The following PTGFR variants were observed in gnomAD, a reference collection of about 807,000 sequenced individuals.
PTGFR encodes prostaglandin F receptor, also known as prostaglandin F2-alpha receptor.
PTGFR carries 15 observed loss-of-function variants against 26.2 expected under a neutral mutation model. The ratio of observed to expected loss-of-function variants is 0.57; its 90% CI spans 0.38 to 0.88. PTGFR has a LOEUF of 0.88. Ranked by LOEUF, PTGFR falls within the 40% of genes least tolerant of loss-of-function variation. The probability of loss-of-function intolerance (pLI) is 0.00; values close to 1 mark genes in which losing one functional copy is unlikely to be tolerated. For synonymous variants in PTGFR, 165 were observed against 151.1 expected (o/e 1.09, Z -0.68); for missense variants, 369 against 427.2 (o/e 0.86, Z 1.20).
chr1:78,531,081 A>G (rs962625244), intron 2 of PTGFR, among the ~76,000 whole-genome samples: 2 of 152,086 alleles, frequency 1.3e-5, no homozygotes, highest in African/African-American at 4.8e-5. Flanking sequence ...ACCCCAGTGG[A>G]CCTGGTCTTC....
At chr1:78,534,040 T>A (rs1428188740) in intron 2 of PTGFR, among the ~76,000 whole-genome samples, 1 of 152,168 alleles carries the variant, frequency 6.6e-6, no homozygotes, top group African/African-American at 2.4e-5. Flanking sequence ...CATAGAATAT[T>A]CAAATACTTT....
intron 1 of PTGFR, 66 bp from the exon 2 acceptor site, chr1:78,492,606 C>G: frequency 1.2e-6 from 1 of 836,276 alleles, no homozygotes; most frequent in Non-Finnish European, 1.8e-6. Context: ...TGCTGGGGCA[C>G]GTCAGTCATA....
chr1:78,532,595 C>T (rs1447115970), intron 2 of PTGFR, among the ~76,000 whole-genome samples: 1 of 150,556 alleles, frequency 6.6e-6, no homozygotes, highest in Non-Finnish European at 1.5e-5. Context: ...GACAGAGTCT[C>T]AACTCTGTTA....
At chr1:78,532,364 T>TTATATATATATATATATATATATATATA (rs200848855) in intron 2 of PTGFR, 1 of 85,214 alleles carries the variant, frequency 1.2e-5, no homozygotes, top group African/African-American at 4.6e-5. Flanking sequence ...GTAAATTCAT[T>TTATATATATATATATATATATATATATA]TATATATATA....
At chr1:78,518,069 T>C (rs1355034008) in intron 2 of PTGFR, among the ~76,000 whole-genome samples, 2 of 152,104 alleles carry the variant, frequency 1.3e-5, no homozygotes, top group Non-Finnish European at 2.9e-5. Flanking sequence ...ATGGCACATG[T>C]ACACCTATGT....
Position 78,536,050 on chromosome 1 carries a change from A to G in PTGFR, c.799-356A>G, listed in dbSNP as rs531096855. Among the ~76,000 whole-genome samples the G allele has an allele frequency of 4.8e-4, 73 of 152,296 alleles. 1 individual carries two copies. The highest frequency in any genetic ancestry group is 1.7e-3 in the African/African-American group (69 of 41,580). ...CTTATCTATAATTTATTTATTTAAA[A>G]ATACTTCATTGAAATAAAACAAATG... On this transcript the variant is annotated intron_variant, in intron 2 of 2. Transcript: ENST00000370757.
intron 2 of PTGFR, among the ~76,000 whole-genome samples, chr1:78,518,567 GACACAC>G (rs57447321): frequency 0.11 from 14,862 of 137,686 alleles, 796 homozygotes; most frequent in South Asian, 0.16. Context: ...CAGTATAAAA[GACACAC>G]ACACACACAC....
chr1:78,491,672 G>C (rs916502342), intron 1 of PTGFR, among the ~76,000 whole-genome samples: 1 of 152,250 alleles, frequency 6.6e-6, no homozygotes, highest in Non-Finnish European at 1.5e-5. Flanking sequence ...CGAAGGGCGG[G>C]GGGGATAGTA....
chr1:78,496,689 A>C (rs1182676502), intron 2 of PTGFR, among the ~76,000 whole-genome samples: 1 of 152,184 alleles, frequency 6.6e-6, no homozygotes, highest in African/African-American at 2.4e-5. Context: ...GAAATGTATA[A>C]ATTGAAATTT....
chr1:78,531,413 C>T (rs191454500), intron 2 of PTGFR, among the ~76,000 whole-genome samples: 2 of 152,178 alleles, frequency 1.3e-5, no homozygotes, highest in African/African-American at 4.8e-5. Context: ...TCTTCACCTG[C>T]CCCAGTGATC....
intron 1 of PTGFR, 46 bp from the exon 2 acceptor site, chr1:78,492,626 T>C (rs1462857121): frequency 1.0e-6 from 1 of 982,936 alleles, no homozygotes; most frequent in East Asian, 2.5e-5. Flanking sequence ...AAACGTCAGA[T>C]GAGCAGTAAT....
chr1:78,505,242 C>G (rs1230307882), intron 2 of PTGFR, among the ~76,000 whole-genome samples: 1 of 151,382 alleles, frequency 6.6e-6, no homozygotes, highest in East Asian at 2.0e-4. Context: ...CCTGCCTCAG[C>G]CTCCTGAGTA....
At chr1:78,531,481 TC>T (rs1650505264) in intron 2 of PTGFR, among the ~76,000 whole-genome samples, 1 of 152,076 alleles carries the variant, frequency 6.6e-6, no homozygotes, top group Admixed American at 6.6e-5. Flanking sequence ...GTAAGGTCTA[TC>T]ACCATAACAA....
chr1:78,523,082 TCATTGTGTAGGTGTACTA>T (rs1371625070), intron 2 of PTGFR, among the ~76,000 whole-genome samples: 5 of 152,128 alleles, frequency 3.3e-5, no homozygotes, highest in Non-Finnish European at 7.4e-5. Context: ...GCAAAGTATT[TCATTGTGTAGGTGTACTA>T]TAATCTCTTT....
chr1:78,496,253 AATATTTTCTC>A (rs1649550083), intron 2 of PTGFR, among the ~76,000 whole-genome samples: 1 of 152,192 alleles, frequency 6.6e-6, no homozygotes, highest in Non-Finnish European at 1.5e-5. Context: ...ACTTCAGTTG[AATATTTTCTC>A]TTTTTTTCTC....
At chr1:78,497,113 GT>G (rs1472825100) in intron 2 of PTGFR, among the ~76,000 whole-genome samples, 1 of 151,974 alleles carries the variant, frequency 6.6e-6, no homozygotes, top group Non-Finnish European at 1.5e-5. Context: ...CATTTAATGT[GT>G]TTTATTTTTC....
Position 78,499,804 on chromosome 1 carries a change from A to G in PTGFR, c.798+6263A>G, listed in dbSNP as rs532741048. Among the ~76,000 whole-genome samples, 5 of 152,346 alleles carry G rather than the reference A, an allele frequency of 3.3e-5. No individual in the cohort carries two copies. In the South Asian group the frequency reaches 8.3e-4, roughly 25 times the overall value. ...TGGTATTTTATTTTATGATATTACAATGATTTGTTTATATGTTTTCTCTGT... is the reference window on the plus strand; with the variant it reads ...TGGTATTTTATTTTATGATATTACAGTGATTTGTTTATATGTTTTCTCTGT... On this transcript the variant is annotated intron_variant, in intron 2 of 2. Transcript: ENST00000370757.
chr1:78,498,599 T>C (rs901252140), intron 2 of PTGFR, among the ~76,000 whole-genome samples: 2 of 152,146 alleles, frequency 1.3e-5, no homozygotes, highest in Non-Finnish European at 2.9e-5. Context: ...AGCTAATAGA[T>C]ACTGTGTTCA....
At chr1:78,526,185 A>G (rs1650369488) in intron 2 of PTGFR, among the ~76,000 whole-genome samples, 1 of 152,108 alleles carries the variant, frequency 6.6e-6, no homozygotes, top group Non-Finnish European at 1.5e-5. Flanking sequence ...TTATTGCTAG[A>G]TCTTTATTTT....
Sources: gnomAD v4.1 joint callset for allele counts (sites outside exome capture counted in the v4.1 genomes callset) on GRCh38, gnomAD v4.1.1 for gene constraint, MANE v1.5 for transcripts, NCBI Gene and HGNC (gene_info 2026-07-23, HGNC 2026-07-21) for gene names.